The following ACSS3 variants were observed in gnomAD, a reference collection of about 807,000 sequenced individuals.
ACSS3 encodes the protein acyl-CoA synthetase short chain family member 3.
Under a neutral mutation model 84.2 loss-of-function variants are expected in ACSS3, and 64 were observed. The ratio of observed to expected loss-of-function variants is 0.76; its 90% CI spans 0.62 to 0.94. The LOEUF (loss-of-function observed/expected upper bound fraction) is 0.94, where lower values mean the gene tolerates loss of function less well. ACSS3 is among the 40% of genes least tolerant of loss of function. The pLI, the probability that ACSS3 is intolerant of heterozygous loss-of-function variation, is 0.00. For missense variants in ACSS3, 815 were observed against 867.6 expected (o/e 0.94, Z 0.76); for synonymous variants, 317 against 310.1 (o/e 1.02, Z -0.23).
chr12:81,173,680 T>C (rs951999057), intron 7 of ACSS3, among the ~76,000 whole-genome samples: 1 of 152,126 alleles, frequency 6.6e-6, no homozygotes, highest in Non-Finnish European at 1.5e-5. Flanking sequence ...GTTCCCTATT[T>C]GGGGACATTG....
intron 2 of ACSS3, among the ~76,000 whole-genome samples, chr12:81,132,845 G>A (rs1885590910): frequency 6.6e-6 from 1 of 152,090 alleles, no homozygotes; most frequent in Non-Finnish European, 1.5e-5. Flanking sequence ...ATTCTCGTTG[G>A]TCTCTCTCAG....
chr12:81,179,551 G>A (rs888011995), intron 8 of ACSS3, among the ~76,000 whole-genome samples: 3 of 151,952 alleles, frequency 2.0e-5, no homozygotes, highest in African/African-American at 7.2e-5. Flanking sequence ...GGGAGGCCGA[G>A]GTGGGCAGAT....
intron 9 of ACSS3, among the ~76,000 whole-genome samples, chr12:81,215,717 A>G (rs1178852454): frequency 1.3e-5 from 2 of 152,104 alleles, no homozygotes; most frequent in Non-Finnish European, 1.5e-5. Context: ...ACCAAATACT[A>G]TTTTCCTGCC....
At chr12:81,253,775 C>A in intron 15 of ACSS3, 105 bp downstream of exon 15, 1 of 1,111,668 alleles carries the variant, frequency 9.0e-7, no homozygotes, top group Non-Finnish European at 1.3e-6. Flanking sequence ...AATTGCATCT[C>A]TAGAAAACAC....
At chr12:81,200,794 G>A (rs1024958587) in intron 9 of ACSS3, among the ~76,000 whole-genome samples, 12 of 151,020 alleles carry the variant, frequency 7.9e-5, no homozygotes, top group South Asian at 2.1e-4. Context: ...TCAGCTACTC[G>A]GGAGGCAGAG....
rs2034363174 is a variant in ACSS3 at position 81,257,808 on chromosome 12, T to C, written c.*2886T>C. 6.6e-6 allele frequency: 1 copy of C among 152,174 alleles called. No homozygotes were observed. Among genetic ancestry groups the C allele is most frequent in the African/African-American group, 2.4e-5 (1 of 41,462 alleles). 9.4% of individuals were successfully genotyped at this position (152,174 alleles called of 1,614,324 possible). Reference sequence around the variant, plus strand: ...ATTTTAGAATCTAGTAGAAGTTATCTTTCTTATAAATTAAAACATATTTTA... The same window carrying C: ...ATTTTAGAATCTAGTAGAAGTTATCCTTCTTATAAATTAAAACATATTTTA... On this transcript the variant is annotated 3_prime_UTR_variant, in exon 16 of 16. Coordinates refer to ENST00000548058, the MANE Select transcript of ACSS3 (RefSeq NM_024560.4).
rs1428933430 is a variant in ACSS3 at position 81,125,192 on chromosome 12, CA to C, written c.457-9623del. On this transcript the variant is annotated intron_variant, in intron 2 of 15. Coordinates refer to ENST00000548058, the MANE Select transcript of ACSS3 (RefSeq NM_024560.4). ...TTGCGCCACCGCACTCCAGCCTGGG[CA>C]GAAGAGCGAGACTTCGTCTCAAAAA... Among the ~76,000 whole-genome samples, 10 of 151,506 alleles carry C rather than the reference CA, an allele frequency of 6.6e-5. No homozygotes were observed. The South Asian group carries it at 8.3e-4, about 13-fold the overall frequency.
intron 10 of ACSS3, among the ~76,000 whole-genome samples, chr12:81,218,559 T>G (rs1350872495): frequency 6.6e-6 from 1 of 152,178 alleles, no homozygotes; most frequent in Non-Finnish European, 1.5e-5. Flanking sequence ...AGATATTCTG[T>G]GAAGTCAGTG....
chr12:81,098,327 T>C (rs1447961195), intron 1 of ACSS3, among the ~76,000 whole-genome samples: 2 of 152,164 alleles, frequency 1.3e-5, no homozygotes, highest in African/African-American at 2.4e-5. Context: ...TTTATCTTTT[T>C]TAAATGTATG....
intron 12 of ACSS3, 114 bp from the exon 13 acceptor site, chr12:81,233,235 G>T: frequency 8.1e-7 from 1 of 1,236,368 alleles, no homozygotes; most frequent in Non-Finnish European, 1.1e-6. Context: ...TACGAAAAAC[G>T]GCAAATGTTC....
chr12:81,196,802 T>A (rs1323326325), intron 8 of ACSS3, among the ~76,000 whole-genome samples: 1 of 152,040 alleles, frequency 6.6e-6, no homozygotes, highest in Non-Finnish European at 1.5e-5. Flanking sequence ...GGTGCCTGGC[T>A]CTTTAAACCA....
intron 11 of ACSS3, among the ~76,000 whole-genome samples, chr12:81,220,781 C>A (rs1334984093): frequency 2.0e-5 from 3 of 151,906 alleles, no homozygotes; most frequent in Non-Finnish European, 2.9e-5. Flanking sequence ...TGCTGTTTTC[C>A]CTTAACCTTG....
chr12:81,157,858 C>G (rs955806538), intron 7 of ACSS3, among the ~76,000 whole-genome samples: 1 of 151,716 alleles, frequency 6.6e-6, no homozygotes, highest in Non-Finnish European at 1.5e-5. Flanking sequence ...AAAAGGCATA[C>G]ACACCAGAAG....
chr12:81,218,038 G>A (rs1435824651), intron 10 of ACSS3, among the ~76,000 whole-genome samples: 1 of 152,144 alleles, frequency 6.6e-6, no homozygotes, highest in South Asian at 2.1e-4. Context: ...AATTATACAA[G>A]TCACATAACT....
intron 11 of ACSS3, among the ~76,000 whole-genome samples, chr12:81,228,893 A>G (rs567807435): frequency 6.6e-6 from 1 of 151,920 alleles, no homozygotes; most frequent in South Asian, 2.1e-4. Context: ...TGGGAAAAAA[A>G]TACCTGTTTA....
At chr12:81,241,871 T>C (rs994879351) in intron 13 of ACSS3, among the ~76,000 whole-genome samples, 12 of 152,222 alleles carry the variant, frequency 7.9e-5, no homozygotes, top group Admixed American at 6.5e-4. Flanking sequence ...CTGGCTTTTG[T>C]TGCCATTACT....
At chr12:81,103,472 C>G (rs1291850601) in intron 1 of ACSS3, among the ~76,000 whole-genome samples, 3 of 152,036 alleles carry the variant, frequency 2.0e-5, no homozygotes, top group Non-Finnish European at 4.4e-5. Context: ...GTAGAATAAT[C>G]AAATCTTTGA....
chr12:81,193,695 C>T (rs1051973865), intron 8 of ACSS3, among the ~76,000 whole-genome samples: 1 of 151,944 alleles, frequency 6.6e-6, no homozygotes, highest in Non-Finnish European at 1.5e-5. Flanking sequence ...TCTATGACAG[C>T]ATTCTCCAAT....
At chr12:81,166,617 G>A (rs1565700675) in intron 7 of ACSS3, among the ~76,000 whole-genome samples, 1 of 152,230 alleles carries the variant, frequency 6.6e-6, no homozygotes, top group East Asian at 1.9e-4. Flanking sequence ...ACAGTGCCAA[G>A]TGCTACAGAG....
Sources: allele counts gnomAD v4.1 joint callset (sites outside exome capture counted in the v4.1 genomes callset), GRCh38; gene constraint gnomAD v4.1.1; transcripts MANE v1.5; gene names NCBI Gene and HGNC (gene_info 2026-07-23, HGNC 2026-07-21).